The following SOX5 variants were observed in gnomAD, a reference collection of about 807,000 sequenced individuals.
The protein encoded by SOX5 is SRY-box transcription factor 5, also known as transcription factor SOX-5.
A neutral mutation model predicts 92.0 loss-of-function variants in SOX5; 9 were observed. The ratio of observed to expected loss-of-function variants is 0.10; its 90% CI spans 0.06 to 0.17. SOX5 has a LOEUF of 0.17. SOX5 is among the 10% of genes least tolerant of loss of function. The pLI is 1.00. For synonymous variants in SOX5, 344 were observed against 336.3 expected, an observed-to-expected ratio of 1.02 and a Z score of -0.25; for missense variants, 642 against 944.5, an observed-to-expected ratio of 0.68 and a Z score of 4.20.
intron 3 of SOX5, among the ~76,000 whole-genome samples, chr12:23,803,960 C>T (rs936341044): frequency 2.0e-5 from 3 of 152,118 alleles, no homozygotes; most frequent in African/African-American, 7.2e-5. Flanking sequence ...GATATCTGTT[C>T]AGGTAGTTAC....
At chr12:23,778,783 T>C (rs1227922905) in intron 3 of SOX5, among the ~76,000 whole-genome samples, 1 of 152,114 alleles carries the variant, frequency 6.6e-6, no homozygotes, top group East Asian at 1.9e-4. Flanking sequence ...AGGAAAATTA[T>C]CATGTCTTCT....
intron 4 of SOX5, among the ~76,000 whole-genome samples, chr12:23,745,181 T>C (rs1469562669): frequency 2.0e-5 from 3 of 152,156 alleles, no homozygotes; most frequent in Non-Finnish European, 4.4e-5. Flanking sequence ...TTTACGCAAA[T>C]GATAACATAA....
intron 3 of SOX5, among the ~76,000 whole-genome samples, chr12:23,806,582 T>TAAAAAAA (rs35340250): frequency 2.8e-5 from 2 of 70,468 alleles, no homozygotes; most frequent in African/African-American, 5.4e-5. Flanking sequence ...CTTTTTCCAC[T>TAAAAAAA]AAAAAAAAAA....
intron 11 of SOX5, among the ~76,000 whole-genome samples, chr12:23,552,581 A>G (rs1944416319): frequency 6.6e-6 from 1 of 152,000 alleles, no homozygotes; most frequent in South Asian, 2.1e-4. Flanking sequence ...AAGAATAAAC[A>G]GCTGTTATTT....
intron 3 of SOX5, among the ~76,000 whole-genome samples, chr12:24,218,111 A>C (rs565614288): frequency 2.6e-5 from 4 of 152,364 alleles, no homozygotes; most frequent in South Asian, 2.1e-4. Context: ...TGACCCAGCC[A>C]TTCTACTCCT....
chr12:24,422,389 TA>T (rs1966061469), intron 1 of SOX5, among the ~76,000 whole-genome samples: 1 of 152,192 alleles, frequency 6.6e-6, no homozygotes, highest in South Asian at 2.1e-4. Context: ...ACTTCTGGAA[TA>T]AAGCATTTAA....
intron 11 of SOX5, among the ~76,000 whole-genome samples, chr12:23,557,086 A>G (rs945622987): frequency 6.6e-6 from 1 of 152,174 alleles, no homozygotes; most frequent in Non-Finnish European, 1.5e-5. Context: ...CACTCTGTTA[A>G]AGGGAAAGAA....
At chr12:24,361,445 A>C (rs185841430) in intron 2 of SOX5, among the ~76,000 whole-genome samples, 7 of 152,294 alleles carry the variant, frequency 4.6e-5, no homozygotes, top group Admixed American at 4.6e-4. Context: ...GGGTATAATA[A>C]TACTACCTGT....
At position 23,931,008 on chromosome 12, in the gene SOX5, C is replaced by A. The variant is rs138482655; in HGVS notation, c.38+18556G>T. Among the ~76,000 whole-genome samples the A allele has an allele frequency of 1.9e-3, 295 of 151,842 alleles. 1 individual carries two copies. Among genetic ancestry groups the A allele is most frequent in the African/African-American group, 6.4e-3 (267 of 41,478 alleles). On this transcript the variant is annotated intron_variant, in intron 1 of 14. Coordinates refer to ENST00000451604, the MANE Select transcript of SOX5 (RefSeq NM_006940.6). The stretch of plus-strand genomic sequence containing the variant: ...CAATTGCTTGCTTAGTATGTCTCTC[C>A]CACCAAACCATAAGCTTCATAGGGA...
At chr12:23,659,021 G>A (rs2082683694) in intron 7 of SOX5, among the ~76,000 whole-genome samples, 2 of 152,148 alleles carry the variant, frequency 1.3e-5, no homozygotes, top group Non-Finnish European at 2.9e-5. Context: ...TTCCTATTTT[G>A]TCAGTTTGAT....
chr12:23,687,678 A>G (rs908450875), intron 6 of SOX5, among the ~76,000 whole-genome samples: 1 of 152,040 alleles, frequency 6.6e-6, no homozygotes, highest in Non-Finnish European at 1.5e-5. Flanking sequence ...TAGCTACACA[A>G]TGGAGAGCTT....
chr12:24,370,886 C>A (rs909997881), intron 1 of SOX5, among the ~76,000 whole-genome samples: 1 of 152,146 alleles, frequency 6.6e-6, no homozygotes, highest in African/African-American at 2.4e-5. Flanking sequence ...TTGTTCCATG[C>A]AAGAAAATGC....
intron 3 of SOX5, among the ~76,000 whole-genome samples, chr12:23,824,902 C>T (rs895664293): frequency 5.3e-5 from 8 of 152,070 alleles, no homozygotes; most frequent in Non-Finnish European, 8.8e-5. Flanking sequence ...TGGTTTAAAC[C>T]GCCTACTCAA....
rs1166527402 is a variant in SOX5 at position 23,929,674 on chromosome 12, C to T, written c.38+19890G>A. Among the ~76,000 whole-genome samples, 33 of 151,888 alleles carry T rather than the reference C, an allele frequency of 2.2e-4. 1 individual carries two copies. Among genetic ancestry groups the T allele is most frequent in the Admixed American group, 2.2e-3 (33 of 15,210 alleles). On this transcript the variant is annotated intron_variant, in intron 1 of 14. Coordinates refer to ENST00000451604, the MANE Select transcript of SOX5 (RefSeq NM_006940.6). The stretch of plus-strand genomic sequence containing the variant: ...GGAGATATAATTAAATAGCATACAT[C>T]AATATAATCTATACTTTTACAATTC...
chr12:23,898,044 T>C (rs757798233), intron 1 of SOX5, among the ~76,000 whole-genome samples: 3 of 152,196 alleles, frequency 2.0e-5, no homozygotes, highest in South Asian at 2.1e-4. Flanking sequence ...TAAATTGATA[T>C]ATTACATAAT....
intron 1 of SOX5, among the ~76,000 whole-genome samples, chr12:24,502,258 G>A (rs1406933822): frequency 6.6e-6 from 1 of 152,004 alleles, no homozygotes; most frequent in Non-Finnish European, 1.5e-5. Context: ...AATGGGTCAG[G>A]GATAATATGA....
At chr12:24,178,264 T>TC (rs1955053825) in intron 4 of SOX5, among the ~76,000 whole-genome samples, 6 of 130,132 alleles carry the variant, frequency 4.6e-5, no homozygotes, top group East Asian at 2.1e-4. Flanking sequence ...TTTTTTTTTT[T>TC]TCCCATTTAA....
At chr12:24,031,186 A>G (rs756720048) in intron 4 of SOX5, among the ~76,000 whole-genome samples, 1 of 132,654 alleles carries the variant, frequency 7.5e-6, no homozygotes, top group African/African-American at 2.7e-5. Flanking sequence ...TGATCCAGCA[A>G]TCCTGCTACT....
chr12:23,616,137 A>T (rs1255676656), intron 8 of SOX5, among the ~76,000 whole-genome samples: 1 of 152,220 alleles, frequency 6.6e-6, no homozygotes, highest in African/African-American at 2.4e-5. Flanking sequence ...ATGCCAAGGT[A>T]GGACTCTGAA....
Sources: allele counts gnomAD v4.1 joint callset (sites outside exome capture counted in the v4.1 genomes callset), GRCh38; gene constraint gnomAD v4.1.1; transcripts MANE v1.5; gene names NCBI Gene and HGNC (gene_info 2026-07-23, HGNC 2026-07-21).